The following TENM2 variants were observed in gnomAD, a reference collection of about 807,000 sequenced individuals.
The protein encoded by TENM2 is teneurin-2.
TENM2 carries 52 observed loss-of-function variants against 245.2 expected under a neutral mutation model. That is an observed-to-expected ratio of 0.21 (90% CI 0.17 to 0.27). The LOEUF (loss-of-function observed/expected upper bound fraction) is 0.27, where lower values mean the gene tolerates loss of function less well. TENM2 is among the 10% of genes least tolerant of loss of function. TENM2 has a pLI of 1.00. For missense variants in TENM2, 3,046 were observed against 3,666.8 expected (o/e 0.83, Z 4.37); for synonymous variants, 1,363 against 1,438.9 (o/e 0.95, Z 1.19).
chr5:168,067,752 C>A (rs943037549), intron 7 of TENM2, among the ~76,000 whole-genome samples: 18 of 152,146 alleles, frequency 1.2e-4, no homozygotes, highest in Non-Finnish European at 2.5e-4. Flanking sequence ...CTCTCTTTAC[C>A]CTCTCAGTGC....
chr5:168,034,156 TATATATGTATATATATACAC>T lies in TENM2; in HGVS notation c.1187-13269_1187-13250del, dbSNP rs1313160166. 1.4e-3 allele frequency among the ~76,000 whole-genome samples: 146 copies of T among 103,456 alleles called. 2 individuals carry two copies. The highest frequency in any genetic ancestry group is 4.7e-3 in the African/African-American group (134 of 28,502). 67.9% of individuals were successfully genotyped at this position (103,456 alleles called of 152,430 possible). A position where few individuals can be genotyped will look rare whatever the true frequency, so the allele number is the denominator to read the frequency against. ...ATATGTATACATATATATGTGTATA[TATATATGTATATATATACAC>T]ACACACACACACAAAAATTAATCAA... On this transcript the variant is annotated intron_variant, in intron 5 of 28. Transcript: ENST00000518659.
At chr5:167,810,456 A>AT (rs1365268833) in intron 2 of TENM2, among the ~76,000 whole-genome samples, 1 of 151,872 alleles carries the variant, frequency 6.6e-6, no homozygotes, top group African/African-American at 2.4e-5. Flanking sequence ...TTTCGCCACC[A>AT]TTACATGTCC....
the TENM2 span, among the ~76,000 whole-genome samples, chr5:167,219,550 A>C: frequency 6.6e-6 from 1 of 152,288 alleles, no homozygotes; most frequent in Non-Finnish European, 1.5e-5. Context: ...TTAGGGAGGG[A>C]TGTTAATGGA....
At chr5:167,469,730 GA>G (rs1766892398) in intron 2 of TENM2, among the ~76,000 whole-genome samples, 1 of 151,712 alleles carries the variant, frequency 6.6e-6, no homozygotes, top group East Asian at 1.9e-4. Flanking sequence ...TGAAATCCTA[GA>G]TTTTTTTTTC....
chr5:167,692,005 C>A (rs1452698608), intron 2 of TENM2, among the ~76,000 whole-genome samples: 1 of 152,170 alleles, frequency 6.6e-6, no homozygotes, highest in Non-Finnish European at 1.5e-5. Flanking sequence ...TCCTTCTTGA[C>A]CCTCTGCCTT....
intron 5 of TENM2, among the ~76,000 whole-genome samples, chr5:168,028,444 G>A (rs547896241): frequency 3.9e-5 from 6 of 152,178 alleles, no homozygotes; most frequent in African/African-American, 1.2e-4. Flanking sequence ...GCGATTCTAG[G>A]CATGGGCAGT....
chr5:167,202,616 C>T, the TENM2 span, among the ~76,000 whole-genome samples: 1 of 152,160 alleles, frequency 6.6e-6, no homozygotes, highest in African/African-American at 2.4e-5. Context: ...AAAACTCTAC[C>T]TCTTGATAGG....
chr5:166,985,763 G>A, the TENM2 span, among the ~76,000 whole-genome samples: 1 of 152,018 alleles, frequency 6.6e-6, no homozygotes, highest in Non-Finnish European at 1.5e-5. Flanking sequence ...TCTAGAGGAG[G>A]CTCCAAGAAA....
At chr5:167,904,786 C>A (rs1775959850) in intron 3 of TENM2, among the ~76,000 whole-genome samples, 1 of 152,116 alleles carries the variant, frequency 6.6e-6, no homozygotes. Context: ...GGAGGGTGAC[C>A]AACGCTGCCA....
chr5:167,579,093 A>G (rs1198079627), intron 2 of TENM2, among the ~76,000 whole-genome samples: 2 of 152,088 alleles, frequency 1.3e-5, no homozygotes, highest in Admixed American at 1.3e-4. Flanking sequence ...CAAGCTTTCC[A>G]TCTTCCCACC....
intron 5 of TENM2, among the ~76,000 whole-genome samples, chr5:167,997,545 G>A (rs1257862290): frequency 1.3e-5 from 2 of 152,194 alleles, no homozygotes; most frequent in African/African-American, 4.8e-5. Context: ...TTTGGTTCAT[G>A]TGCTACTTAG....
At chr5:167,853,794 GT>G (rs1301812825) in intron 2 of TENM2, among the ~76,000 whole-genome samples, 1 of 152,144 alleles carries the variant, frequency 6.6e-6, no homozygotes, top group Non-Finnish European at 1.5e-5. Flanking sequence ...TCCCATGTAA[GT>G]TTTAGATTTT....
chr5:167,960,762 C>T (rs1000737529), intron 4 of TENM2, among the ~76,000 whole-genome samples: 2 of 152,200 alleles, frequency 1.3e-5, no homozygotes, highest in African/African-American at 2.4e-5. Flanking sequence ...AAAACTCCTG[C>T]AGCTAACTCA....
At chr5:167,471,974 C>T (rs1217813155) in intron 2 of TENM2, among the ~76,000 whole-genome samples, 1 of 152,168 alleles carries the variant, frequency 6.6e-6, no homozygotes, top group Non-Finnish European at 1.5e-5. Context: ...AACGCCATTG[C>T]CAGTTAAGCT....
chr5:167,267,466 A>G, the TENM2 span, among the ~76,000 whole-genome samples: 2 of 152,154 alleles, frequency 1.3e-5, no homozygotes, highest in Non-Finnish European at 2.9e-5. Flanking sequence ...AACATTTCAT[A>G]GCATGAGGGA....
At chr5:167,924,079 T>A (rs1437097724) in intron 3 of TENM2, among the ~76,000 whole-genome samples, 1 of 152,198 alleles carries the variant, frequency 6.6e-6, no homozygotes, top group Non-Finnish European at 1.5e-5. Flanking sequence ...ATTTCTGTTT[T>A]CTTATTGCTT....
intron 2 of TENM2, among the ~76,000 whole-genome samples, chr5:167,514,141 C>T (rs73365577): frequency 0.027 from 4,044 of 152,262 alleles, 108 homozygotes; most frequent in African/African-American, 0.069. Flanking sequence ...CTTACAGAAT[C>T]GCAATATTCC....
At chr5:167,764,025 T>G (rs964632056) in intron 2 of TENM2, among the ~76,000 whole-genome samples, 2 of 152,102 alleles carry the variant, frequency 1.3e-5, no homozygotes, top group Non-Finnish European at 2.9e-5. Flanking sequence ...GCTGATAGTG[T>G]GCATTGCGTG....
chr5:168,177,288 G>C (rs1210146025), intron 13 of TENM2, among the ~76,000 whole-genome samples: 2 of 152,148 alleles, frequency 1.3e-5, no homozygotes, highest in African/African-American at 4.8e-5. Flanking sequence ...GTAAACAAAT[G>C]GTTACTATAC....
Sources: gnomAD v4.1 joint callset for allele counts (sites outside exome capture counted in the v4.1 genomes callset) on GRCh38, gnomAD v4.1.1 for gene constraint, MANE v1.5 for transcripts, NCBI Gene and HGNC (gene_info 2026-07-23, HGNC 2026-07-21) for gene names.